LIPN: variants seen among roughly 807,000 people sequenced by gnomAD.
The protein encoded by LIPN is lipase member N.
LIPN carries 32 observed loss-of-function variants against 43.7 expected under a neutral mutation model. That is an observed-to-expected ratio of 0.73 (90% CI 0.55 to 0.98). The LOEUF is 0.98. LIPN is among the 50% of genes least tolerant of loss of function. LIPN has a pLI of 0.00. For synonymous variants in LIPN, 156 were observed against 157.6 expected, an observed-to-expected ratio of 0.99 and a Z score of 0.08; for missense variants, 505 against 483.8, an observed-to-expected ratio of 1.04 and a Z score of -0.41.
chr10:88,765,940 G>A (rs749476992), intron 4 of LIPN, among the ~76,000 whole-genome samples: 7 of 151,868 alleles, frequency 4.6e-5, no homozygotes, highest in African/African-American at 1.2e-4. Context: ...AGCCTCATGT[G>A]GGAGTCAGAA....
intron 5 of LIPN, 75 bp from the exon 6 acceptor site, chr10:88,768,717 C>A: frequency 1.5e-6 from 2 of 1,298,164 alleles, no homozygotes; most frequent in Non-Finnish European, 2.2e-6. Context: ...AATGACTAAG[C>A]AGAGCCCCAA....
upstream of LIPN, among the ~76,000 whole-genome samples, chr10:88,759,127 C>T (rs1842962353): frequency 6.6e-6 from 1 of 152,084 alleles, no homozygotes; most frequent in South Asian, 2.1e-4. Flanking sequence ...CTGAACACTT[C>T]CTTTTACTCC....
chr10:88,766,150 T>A, intron 4 of LIPN, 119 bp from the exon 5 acceptor site: 1 of 641,568 alleles, frequency 1.6e-6, no homozygotes. Context: ...AATAATGAAA[T>A]ACACATTGAA....
intron 9 of LIPN, 37 bp from the exon 10 acceptor site, chr10:88,777,972 C>A: frequency 1.5e-6 from 2 of 1,343,174 alleles, no homozygotes; most frequent in South Asian, 1.2e-5. Context: ...CTTTGAGGAG[C>A]TTCCTCTCAT....
At position 88,762,185 on chromosome 10, in the gene LIPN, C is replaced by T. The variant is rs1843012146; in HGVS notation, c.109-3C>T. 6.6e-7 allele frequency: 1 copy of T among 1,512,240 alleles called. No homozygotes were observed. The highest frequency in any genetic ancestry group is 9.1e-7 in the Non-Finnish European group (1 of 1,093,036). The allele number at this position is 1,512,240 out of a possible 1,614,324, so 93.7% of individuals were successfully genotyped here. On this transcript the variant is annotated splice_region_variant and splice_polypyrimidine_tract_variant and intron_variant, in intron 2 of 9. Transcript: ENST00000404459. ...CACTAACGACTGTATTTTTACTGGG[C>T]AGAGTGAAATCATCATCTACAATGG...
intron 6 of LIPN, among the ~76,000 whole-genome samples, chr10:88,770,395 A>G (rs988904542): frequency 6.6e-6 from 1 of 151,858 alleles, no homozygotes; most frequent in Non-Finnish European, 1.5e-5. Context: ...TTTGACCTTA[A>G]GAAAAACTGT....
chr10:88,768,772 C>T lies in LIPN; in HGVS notation c.536-20C>T, dbSNP rs1340890999. On this transcript the variant is annotated intron_variant, in intron 5 of 9. Coordinates refer to ENST00000404459, the MANE Select transcript of LIPN (RefSeq NM_001102469.2). ...TAAGTATTTATTTTTACAAGATTGT[C>T]TTATCTCCTGTTCTCTCAGGGTTTG... The T allele has an allele frequency of 4.4e-6, 7 of 1,603,914 alleles. No homozygotes were observed. The highest frequency in any genetic ancestry group is 3.4e-5 in the Admixed American group (2 of 58,546).
chr10:88,764,775 A>G (rs1336008164), intron 4 of LIPN, among the ~76,000 whole-genome samples, 167 bp downstream of exon 4: 1 of 151,964 alleles, frequency 6.6e-6, no homozygotes, highest in African/African-American at 2.4e-5. Context: ...TTTTTCACTG[A>G]TTCTCCCACA....
upstream of LIPN, among the ~76,000 whole-genome samples, chr10:88,758,149 A>T (rs1472312446): frequency 6.6e-6 from 1 of 152,112 alleles, no homozygotes; most frequent in Non-Finnish European, 1.5e-5. Context: ...TGAATAGGAC[A>T]TTGGAAGAAA....
intron 1 of LIPN, among the ~76,000 whole-genome samples, chr10:88,760,440 A>G (rs1284518365): frequency 6.6e-6 from 1 of 152,174 alleles, no homozygotes; most frequent in Non-Finnish European, 1.5e-5. Flanking sequence ...TGCAGATATA[A>G]GATGATCTTC....
intron 7 of LIPN, among the ~76,000 whole-genome samples, chr10:88,774,135 CG>C (rs1472497636): frequency 6.6e-6 from 1 of 151,990 alleles, no homozygotes; most frequent in Non-Finnish European, 1.5e-5. Flanking sequence ...CACCTGGGTG[CG>C]CATGCATGCA....
At chr10:88,774,922 C>T (rs574576912) in intron 8 of LIPN, among the ~76,000 whole-genome samples, 170 bp from the exon 9 acceptor site, 8 of 151,880 alleles carry the variant, frequency 5.3e-5, no homozygotes, top group Middle Eastern at 3.4e-3. Flanking sequence ...GGGTATTGCT[C>T]ATCTTTCTGT....
rs552212457 is a variant in LIPN, at chr10:88,762,684, G to A, written c.226+379G>A. Reference sequence around the variant, plus strand: ...TAGGTTGTATGAAATTGACTCTGGGGCACCCAAGAAGAACCTCTCCTGCTC... The same window carrying A: ...TAGGTTGTATGAAATTGACTCTGGGACACCCAAGAAGAACCTCTCCTGCTC... On this transcript the variant is annotated intron_variant, in intron 3 of 9. Transcript: ENST00000404459. 1.6e-4 allele frequency among the ~76,000 whole-genome samples: 25 copies of A among 152,154 alleles called. No individual in the cohort carries two copies. The South Asian group carries it at 3.3e-3, about 20-fold the overall frequency.
chr10:88,776,325 A>G (rs371432315), intron 9 of LIPN, among the ~76,000 whole-genome samples: 6 of 152,102 alleles, frequency 3.9e-5, no homozygotes, highest in African/African-American at 1.2e-4. Flanking sequence ...TGGACTTTAC[A>G]TATGTCTGTT....
chr10:88,774,032 A>C (rs923744948), intron 7 of LIPN, among the ~76,000 whole-genome samples: 11 of 152,120 alleles, frequency 7.2e-5, no homozygotes, highest in Admixed American at 6.6e-4. Flanking sequence ...CAGAAACTCA[A>C]AGATGTTAAA....
chr10:88,767,003 CTTACT>C (rs999444504), intron 5 of LIPN, among the ~76,000 whole-genome samples: 1 of 151,836 alleles, frequency 6.6e-6, no homozygotes, highest in African/African-American at 2.4e-5. Context: ...TCTTAATTTA[CTTACT>C]TTACTTAATT....
At chr10:88,761,588 T>C (rs1842997855) in intron 2 of LIPN, 75 bp downstream of exon 2, 1 of 974,952 alleles carries the variant, frequency 1.0e-6, no homozygotes, top group East Asian at 2.4e-5. Flanking sequence ...AAGGTCCTGT[T>C]GTAACAGAAA....
Position 88,766,250 on chromosome 10 carries a change from C to T in LIPN, c.426-19C>T. 4 of 1,169,310 alleles carry T rather than the reference C, an allele frequency of 3.4e-6. No homozygotes were observed. The South Asian group carries it at 3.8e-5, about 11-fold the overall frequency. 72.4% of individuals were successfully genotyped at this position (1,169,310 alleles called of 1,614,324 possible). A position where few individuals can be genotyped will look rare whatever the true frequency, so the allele number is the denominator to read the frequency against. On this transcript the variant is annotated intron_variant, in intron 4 of 9. Transcript: ENST00000404459. ...TTAAACTTGCAAGTATTTATAAAAG[C>T]CCCTGTTTTATTTTGCAGTTTTGAT...
chr10:88,767,480 T>G (rs577100403), intron 5 of LIPN, among the ~76,000 whole-genome samples: 1 of 151,442 alleles, frequency 6.6e-6, no homozygotes, highest in African/African-American at 2.4e-5. Context: ...CCCCATCTCA[T>G]AGAAGAAGAA....
Sources: allele counts gnomAD v4.1 joint callset (sites outside exome capture counted in the v4.1 genomes callset), GRCh38; gene constraint gnomAD v4.1.1; transcripts MANE v1.5; gene names NCBI Gene and HGNC (gene_info 2026-07-23, HGNC 2026-07-21).